Variants in CDC73 observed in about 807,000 individuals in gnomAD.
The protein encoded by CDC73 is cell division cycle 73, also known as parafibromin.
Under a neutral mutation model 83.7 loss-of-function variants are expected in CDC73, and 21 were observed. The ratio of observed to expected loss-of-function variants is 0.25; its 90% confidence interval spans 0.18 to 0.36. The LOEUF is 0.36. Ranked by LOEUF, CDC73 falls within the 10% of genes least tolerant of loss-of-function variation. CDC73 has a pLI of 1.00. For missense variants in CDC73, 342 were observed against 653.3 expected, an observed-to-expected ratio of 0.52 and a Z score of 5.19; for synonymous variants, 224 against 212.9, an observed-to-expected ratio of 1.05 and a Z score of -0.45.
chr1:193,248,104 G>T (rs988256506), intron 15 of CDC73, among the ~76,000 whole-genome samples: 4 of 152,042 alleles, frequency 2.6e-5, no homozygotes, highest in Admixed American at 2.0e-4. Context: ...AACTTCAGAG[G>T]ACAGACTGAC....
chr1:193,139,080 T>C (rs919191655), intron 6 of CDC73, among the ~76,000 whole-genome samples: 2 of 152,124 alleles, frequency 1.3e-5, no homozygotes, highest in African/African-American at 4.8e-5. Flanking sequence ...GGCTGAACTT[T>C]AGTATTTTTT....
At chr1:193,229,489 C>T (rs540611925) in intron 13 of CDC73, among the ~76,000 whole-genome samples, 6 of 152,284 alleles carry the variant, frequency 3.9e-5, no homozygotes, top group East Asian at 3.9e-4. Flanking sequence ...GATAGGAGGA[C>T]GCAGCAATAA....
chr1:193,129,598 C>A (rs116290668), intron 2 of CDC73, among the ~76,000 whole-genome samples: 11 of 151,602 alleles, frequency 7.3e-5, no homozygotes, highest in Admixed American at 7.2e-4. Context: ...CGCCTGTCTC[C>A]GCCTCCTGGG....
chr1:193,149,720 A>C (rs1392485980), intron 8 of CDC73, among the ~76,000 whole-genome samples: 1 of 152,226 alleles, frequency 6.6e-6, no homozygotes, highest in South Asian at 2.1e-4. Flanking sequence ...GTCTTCATGA[A>C]TTTTCCAAGT....
At chr1:193,218,310 A>C (rs1677405108) in intron 13 of CDC73, among the ~76,000 whole-genome samples, 1 of 152,242 alleles carries the variant, frequency 6.6e-6, no homozygotes, top group South Asian at 2.1e-4. Flanking sequence ...GATAGGAAGA[A>C]TCAATATTGT....
chr1:193,137,569 G>T (rs1384526704), intron 5 of CDC73, among the ~76,000 whole-genome samples: 1 of 152,164 alleles, frequency 6.6e-6, no homozygotes, highest in Non-Finnish European at 1.5e-5. Context: ...AAATCTTGAA[G>T]TGGCCCATGA....
intron 10 of CDC73, among the ~76,000 whole-genome samples, chr1:193,165,223 AG>A (rs1264757454): frequency 6.6e-6 from 1 of 152,330 alleles, no homozygotes; most frequent in East Asian, 1.9e-4. Context: ...ACAGGTTGAT[AG>A]TCAAATTAAT....
At chr1:193,204,253 ATGTGTGTGTG>A (rs370382322) in intron 11 of CDC73, among the ~76,000 whole-genome samples, 106 of 123,800 alleles carry the variant, frequency 8.6e-4, no homozygotes, top group South Asian at 4.7e-3. Flanking sequence ...ATATATGTGT[ATGTGTGTGTG>A]TGTGTGTGTG....
In CDC73 at chr1:193,135,456, A is replaced by G. The variant is rs960410437; in HGVS notation, c.370+3A>G. The G allele has an allele frequency of 6.2e-7, 1 of 1,612,428 alleles. No individual in the cohort carries two copies. Among genetic ancestry groups the G allele is most frequent in the African/African-American group, 1.3e-5 (1 of 74,886 alleles). ...AGGTCTTCAGCGATCTACTCAAGGT[A>G]TGTCTTGTTGCATATTTATATTGAA... On this transcript the variant is annotated splice_donor_region_variant and intron_variant, in intron 4 of 16. Transcript: ENST00000367435.
intron 16 of CDC73, 59 bp downstream of exon 16, chr1:193,249,930 T>C: frequency 6.5e-7 from 1 of 1,547,806 alleles, no homozygotes; most frequent in Non-Finnish European, 8.9e-7. Flanking sequence ...CTGTCTCAGT[T>C]AAATTTTAAG....
intron 7 of CDC73, among the ~76,000 whole-genome samples, chr1:193,144,581 G>C (rs1332595629): frequency 6.6e-6 from 1 of 152,112 alleles, no homozygotes; most frequent in South Asian, 2.1e-4. Flanking sequence ...TAGCCATTGT[G>C]TTCTTTACTC....
intron 10 of CDC73, among the ~76,000 whole-genome samples, chr1:193,195,656 A>G (rs951823174): frequency 6.6e-6 from 1 of 151,770 alleles, no homozygotes; most frequent in African/African-American, 2.4e-5. Flanking sequence ...TCTCATTTAT[A>G]CTTGTTACTT....
chr1:193,232,564 T>G (rs1677678993), intron 13 of CDC73, among the ~76,000 whole-genome samples: 1 of 152,192 alleles, frequency 6.6e-6, no homozygotes, highest in African/African-American at 2.4e-5. Context: ...CAGAGCAGGT[T>G]TATTTAAAAA....
At chr1:193,187,160 T>C (rs1676828775) in intron 10 of CDC73, among the ~76,000 whole-genome samples, 1 of 144,182 alleles carries the variant, frequency 6.9e-6, no homozygotes, top group Non-Finnish European at 1.5e-5. Context: ...ACTTTACTAA[T>C]GCATGATGTG....
chr1:193,151,872 G>C (rs1388167009), intron 9 of CDC73, among the ~76,000 whole-genome samples: 1 of 152,124 alleles, frequency 6.6e-6, no homozygotes, highest in East Asian at 1.9e-4. Flanking sequence ...GGGAGAAGAG[G>C]TTGCAGTGAA....
intron 7 of CDC73, among the ~76,000 whole-genome samples, chr1:193,143,638 T>C (rs973633041): frequency 1.1e-4 from 16 of 152,228 alleles, no homozygotes; most frequent in African/African-American, 3.1e-4. Flanking sequence ...AAAAATACTT[T>C]GATAGTCTTT....
At chr1:193,201,662 ATT>A (rs1677093336) in intron 10 of CDC73, among the ~76,000 whole-genome samples, 1 of 152,196 alleles carries the variant, frequency 6.6e-6, no homozygotes, top group Non-Finnish European at 1.5e-5. Flanking sequence ...CATTATTGGT[ATT>A]TAAAAGGATC....
intron 10 of CDC73, chr1:193,181,171 G>A: frequency 6.2e-7 from 1 of 1,613,800 alleles, no homozygotes; most frequent in South Asian, 1.1e-5. Flanking sequence ...GTAAGAATTT[G>A]GATGTCCAGT....
chr1:193,218,409 C>G (rs943668307), intron 13 of CDC73, among the ~76,000 whole-genome samples: 2 of 152,162 alleles, frequency 1.3e-5, no homozygotes, highest in Non-Finnish European at 2.9e-5. Flanking sequence ...GAAATTCGAA[C>G]AAACTATTCT....
Sources: allele counts gnomAD v4.1 joint callset (sites outside exome capture counted in the v4.1 genomes callset), GRCh38; gene constraint gnomAD v4.1.1; transcripts MANE v1.5; gene names NCBI Gene and HGNC (gene_info 2026-07-23, HGNC 2026-07-21).